Variants in LRP1B observed in about 807,000 individuals in gnomAD.
The protein encoded by LRP1B is low-density lipoprotein receptor-related protein 1B.
Under a neutral mutation model 556.6 loss-of-function variants are expected in LRP1B, and 217 were observed. The ratio of observed to expected loss-of-function variants is 0.39; its 90% CI spans 0.35 to 0.44. The LOEUF (loss-of-function observed/expected upper bound fraction) is 0.44. Ranked by LOEUF, LRP1B falls within the 20% of genes least tolerant of loss-of-function variation. LRP1B has a pLI of 1.00. For missense variants in LRP1B, 5,053 were observed against 5,620.8 expected (o/e 0.90, Z 3.23); for synonymous variants, 2,047 against 1,865.8 (o/e 1.10, Z -2.50).
intron 16 of LRP1B, among the ~76,000 whole-genome samples, chr2:140,992,818 A>G (rs958365299): frequency 6.6e-6 from 1 of 152,070 alleles, no homozygotes; most frequent in African/African-American, 2.4e-5. Flanking sequence ...GCAATTTAGT[A>G]TTTAAATTTT....
At chr2:141,606,210 A>G (rs1687913283) in intron 2 of LRP1B, among the ~76,000 whole-genome samples, 2 of 134,900 alleles carry the variant, frequency 1.5e-5, no homozygotes, top group South Asian at 4.8e-4. Context: ...GGTCATATGA[A>G]TTTTCAATAA....
At chr2:141,488,922 G>A (rs922221861) in intron 2 of LRP1B, among the ~76,000 whole-genome samples, 10 of 151,310 alleles carry the variant, frequency 6.6e-5, no homozygotes, top group South Asian at 2.1e-4. Context: ...GATTTCTAAC[G>A]TACCATTAAC....
chr2:141,431,316 G>GT (rs574402545), intron 3 of LRP1B, among the ~76,000 whole-genome samples: 62 of 152,018 alleles, frequency 4.1e-4, no homozygotes, highest in Non-Finnish European at 6.8e-4. Context: ...ATTCTGAGAT[G>GT]TAATAGGCTA....
chr2:141,813,219 G>A (rs772373061), intron 1 of LRP1B, among the ~76,000 whole-genome samples: 2 of 152,144 alleles, frequency 1.3e-5, no homozygotes, highest in Non-Finnish European at 2.9e-5. Context: ...TATAATGGGA[G>A]GATAGAAACA....
At position 140,352,956 on chromosome 2, in the gene LRP1B, C is replaced by G. The variant is rs1682040876; in HGVS notation, c.11647G>C (p.Glu3883Gln). The change falls in exon 76 of 91, where the codon GAA becomes CAA. Residue 3883 changes from glutamate (E) to glutamine (Q), a missense_variant. By Grantham distance (29) the Glu-to-Gln change is conservative (BLOSUM62 2). Around this residue, in one of 5 missense-constraint regions of LRP1B, gnomAD observed 599 missense variants for 648.4 expected, o/e 0.92. Coordinates refer to ENST00000389484, the MANE Select transcript of LRP1B (RefSeq NM_018557.3). ...GCAATAGTGGTTATAATCTTACCTTCTGCTATGCAGGTGTTATTTCTTTCT... is the reference window on the plus strand; with the variant it reads ...GCAATAGTGGTTATAATCTTACCTTGTGCTATGCAGGTGTTATTTCTTTCT... ...FQERNNTCIA[E>Q]GSEDQVLYIA... 2 of 1,610,586 alleles carry G rather than the reference C, an allele frequency of 1.2e-6. No individual in the cohort carries two copies. Among genetic ancestry groups the G allele is most frequent in the South Asian group, 2.2e-5 (2 of 90,530 alleles).
intron 3 of LRP1B, among the ~76,000 whole-genome samples, chr2:141,366,835 A>G (rs72979091): frequency 0.064 from 9,726 of 152,284 alleles, 429 homozygotes; most frequent in African/African-American, 0.11. Flanking sequence ...ACGCTGGGTC[A>G]CTTTTCTCAA....
rs181062683 is a variant in LRP1B at position 141,420,260 on chromosome 2, G to A, written c.343+60136C>T. Among the ~76,000 whole-genome samples, 10 of 152,080 alleles carry A rather than the reference G, an allele frequency of 6.6e-5. No individual in the cohort carries two copies. In the East Asian group the frequency reaches 9.7e-4, roughly 15 times the overall value. On this transcript the variant is annotated intron_variant, in intron 3 of 90. Transcript: ENST00000389484. ...GTTGACCATTTTATAATTATATAAC[G>A]TCCTTATCTATGAGACGGTGTTTGA...
At chr2:140,649,231 A>C (rs923609515) in intron 41 of LRP1B, among the ~76,000 whole-genome samples, 5 of 152,134 alleles carry the variant, frequency 3.3e-5, no homozygotes, top group Non-Finnish European at 7.4e-5. Context: ...TTCAAGGTGG[A>C]AATAAGAGTT....
At chr2:141,986,690 C>G (rs1702195302) in intron 1 of LRP1B, among the ~76,000 whole-genome samples, 1 of 151,890 alleles carries the variant, frequency 6.6e-6, no homozygotes, top group Non-Finnish European at 1.5e-5. Flanking sequence ...TGACCCTTTC[C>G]AGACCAATAC....
chr2:140,477,381 A>G (rs1260759712), intron 59 of LRP1B, among the ~76,000 whole-genome samples: 10 of 152,114 alleles, frequency 6.6e-5, no homozygotes, highest in African/African-American at 2.4e-4. Context: ...AGAAAATAAA[A>G]ATTAAAAGTA....
chr2:141,741,784 C>G (rs906253362), intron 2 of LRP1B, among the ~76,000 whole-genome samples: 2 of 152,100 alleles, frequency 1.3e-5, no homozygotes, highest in African/African-American at 4.8e-5. Context: ...TCTGCAGAAG[C>G]TTTTTAACTT....
intron 45 of LRP1B, among the ~76,000 whole-genome samples, chr2:140,538,833 G>T (rs1175485442): frequency 6.6e-6 from 1 of 151,920 alleles, no homozygotes; most frequent in African/African-American, 2.4e-5. Context: ...ATAATTGTTA[G>T]GATGGAAAAG....
chr2:140,543,748 G>A (rs1680221817), intron 43 of LRP1B, among the ~76,000 whole-genome samples: 1 of 151,792 alleles, frequency 6.6e-6, no homozygotes, highest in Non-Finnish European at 1.5e-5. Flanking sequence ...TTATTTGCAG[G>A]TGACTAAATC....
intron 41 of LRP1B, chr2:140,683,802 C>G: frequency 1.2e-6 from 1 of 823,146 alleles, no homozygotes; most frequent in Non-Finnish European, 2.0e-6. Flanking sequence ...AGCCAGCCTC[C>G]GGGCTAGGGG....
intron 11 of LRP1B, among the ~76,000 whole-genome samples, chr2:141,020,469 C>A (rs902510500): frequency 6.6e-6 from 1 of 152,028 alleles, no homozygotes; most frequent in Non-Finnish European, 1.5e-5. Flanking sequence ...ACAAATTCAG[C>A]AATGTAGACT....
At chr2:141,892,180 T>A (rs1484539171) in intron 1 of LRP1B, among the ~76,000 whole-genome samples, 2 of 151,688 alleles carry the variant, frequency 1.3e-5, no homozygotes, top group Non-Finnish European at 2.9e-5. Flanking sequence ...GAATGAGGGA[T>A]CAAATACAAA....
chr2:141,760,981 T>C (rs1273370243), intron 2 of LRP1B, among the ~76,000 whole-genome samples: 1 of 152,212 alleles, frequency 6.6e-6, no homozygotes. Flanking sequence ...GCACATTTTC[T>C]GTTTAGCACC....
In LRP1B at chr2:140,483,996, A is replaced by G. The variant is rs145291321; in HGVS notation, c.9425+1347T>C. On this transcript the variant is annotated intron_variant, in intron 59 of 90. Transcript: ENST00000389484. ...ATATCCAAGAAATTGAAATATTCAC[A>G]TAATTAAGAATGAATAGATGATAGC... Among the ~76,000 whole-genome samples the G allele has an allele frequency of 4.4e-3, 675 of 152,268 alleles. 6 individuals carry two copies. The highest frequency in any genetic ancestry group is 0.016 in the African/African-American group (649 of 41,540).
chr2:141,339,300 CAAA>C (rs199875427), intron 3 of LRP1B, among the ~76,000 whole-genome samples: 6 of 75,664 alleles, frequency 7.9e-5, no homozygotes, highest in Non-Finnish European at 8.3e-5. Context: ...TGGGGTAACG[CAAA>C]AAAAAAAAAA....
Sources: allele counts gnomAD v4.1 joint callset (sites outside exome capture counted in the v4.1 genomes callset), GRCh38; gene constraint gnomAD v4.1.1; regional missense constraint gnomAD v4.1.1; transcripts MANE v1.5; gene names NCBI Gene and HGNC (gene_info 2026-07-23, HGNC 2026-07-21).